Variants in SLC27A2 observed in about 807,000 individuals in gnomAD.
SLC27A2 encodes the protein solute carrier family 27 member 2, also known as long-chain fatty acid transport protein 2.
Under a neutral mutation model 60.0 loss-of-function variants are expected in SLC27A2, and 54 were observed. That is an observed-to-expected ratio of 0.90 (90% confidence interval 0.72 to 1.13). The LOEUF is 1.13. Among genes scored for constraint, SLC27A2 ranks in the 50% most tolerant of loss-of-function variants. SLC27A2 has a pLI of 0.00. For missense variants in SLC27A2, 739 were observed against 777.6 expected, an observed-to-expected ratio of 0.95 and a Z score of 0.59; for synonymous variants, 297 against 297.6, an observed-to-expected ratio of 1.00 and a Z score of 0.02.
chr15:50,195,946 C>T (rs1190252706), intron 1 of SLC27A2, among the ~76,000 whole-genome samples: 1 of 145,218 alleles, frequency 6.9e-6, no homozygotes, highest in Non-Finnish European at 1.5e-5. Context: ...TCCCAGCTAC[C>T]GGGAGGCTGA....
At chr15:50,228,600 G>T (rs2045293462) in intron 7 of SLC27A2, among the ~76,000 whole-genome samples, 1 of 151,994 alleles carries the variant, frequency 6.6e-6, no homozygotes. Flanking sequence ...GTTAGTAAAT[G>T]AGAAATTGAG....
intron 7 of SLC27A2, among the ~76,000 whole-genome samples, chr15:50,227,584 G>T (rs928779462): frequency 6.6e-6 from 1 of 152,150 alleles, no homozygotes; most frequent in Non-Finnish European, 1.5e-5. Flanking sequence ...TGAGGGGTTC[G>T]GAGCCCCTTC....
At chr15:50,225,693 T>C (rs2045273225) in intron 5 of SLC27A2, among the ~76,000 whole-genome samples, 3 of 152,196 alleles carry the variant, frequency 2.0e-5, no homozygotes, top group Non-Finnish European at 4.4e-5. Flanking sequence ...TATAGACATA[T>C]TTAGTGAAAG....
In SLC27A2 at chr15:50,182,881, G is replaced by A. The variant is rs373559973; in HGVS notation, c.454G>A (p.Ala152Thr). 6 of 1,610,318 alleles carry A rather than the reference G, an allele frequency of 3.7e-6. No individual in the cohort carries two copies. The highest frequency in any genetic ancestry group is 3.3e-5 in the Admixed American group (2 of 59,946). Reference protein sequence around the residue: ...SLLHCFQCCGAKVLLVSPELQ... With the variant: ...SLLHCFQCCGTKVLLVSPELQ... ...GCTGCACTGCTTCCAGTGCTGCGGG[G>A]CGAAGGTGCTGCTGGTGTCGCCAGG... The change falls in exon 1 of 10, where the codon GCG becomes ACG. Residue 152 changes from alanine (A) to threonine (T), a missense_variant. Physicochemically the swap from Ala to Thr is moderately conservative, Grantham distance 58 (BLOSUM62 0). Coordinates refer to ENST00000267842, the MANE Select transcript of SLC27A2 (RefSeq NM_003645.4).
chr15:50,233,336 T>G (rs778034902), intron 8 of SLC27A2, among the ~76,000 whole-genome samples: 3 of 152,228 alleles, frequency 2.0e-5, no homozygotes, highest in Non-Finnish European at 4.4e-5. Context: ...CAGTAAGTCA[T>G]GCATGGAGGT....
chr15:50,191,575 T>C (rs1293508116), intron 1 of SLC27A2, among the ~76,000 whole-genome samples: 2 of 152,186 alleles, frequency 1.3e-5, no homozygotes, highest in African/African-American at 2.4e-5. Context: ...TGTCTCCCTC[T>C]ATCCAGTCTG....
chr15:50,198,364 A>C (rs991799210), intron 2 of SLC27A2: 7 of 151,936 alleles, frequency 4.6e-5, no homozygotes, highest in Admixed American at 4.6e-4. Context: ...GGCATTCTTC[A>C]AGGAGCTTTA....
At chr15:50,226,542 G>A (rs558703327) in intron 6 of SLC27A2, among the ~76,000 whole-genome samples, 45 of 151,978 alleles carry the variant, frequency 3.0e-4, no homozygotes, top group Admixed American at 5.3e-4. Flanking sequence ...GACCAGCCTG[G>A]CCAACATGGC....
At chr15:50,185,919 A>G (rs1324888439) in intron 1 of SLC27A2, among the ~76,000 whole-genome samples, 6 of 151,298 alleles carry the variant, frequency 4.0e-5, no homozygotes, top group African/African-American at 1.2e-4. Context: ...GTGAGCCACC[A>G]CGCCTGGCCG....
intron 4 of SLC27A2, among the ~76,000 whole-genome samples, chr15:50,213,776 AC>A (rs2045174761): frequency 6.6e-6 from 1 of 152,170 alleles, no homozygotes; most frequent in Non-Finnish European, 1.5e-5. Context: ...CAATAATGAC[AC>A]AACCCATCAA....
rs373895801 is a variant in SLC27A2, at chr15:50,188,543, C to T, written c.478+5638C>T. ...TCTACACTCTTCCCAACTCTTTGGA[C>T]TGCCCAAGGAGTAACTTAAATGAGT... On this transcript the variant is annotated intron_variant, in intron 1 of 9. Transcript: ENST00000267842. Among the ~76,000 whole-genome samples the T allele has an allele frequency of 3.9e-5, 6 of 152,350 alleles. 2 individuals carry two copies. Among genetic ancestry groups the T allele is most frequent in the Admixed American group, 1.3e-4 (2 of 15,304 alleles).
chr15:50,208,412 A>T (rs1320422601), intron 4 of SLC27A2, among the ~76,000 whole-genome samples: 4 of 152,084 alleles, frequency 2.6e-5, no homozygotes, highest in South Asian at 2.1e-4. Context: ...AGGATAGTTA[A>T]CCTCTCTAAA....
At chr15:50,210,063 A>G (rs1231784963) in intron 4 of SLC27A2, among the ~76,000 whole-genome samples, 1 of 152,178 alleles carries the variant, frequency 6.6e-6, no homozygotes, top group African/African-American at 2.4e-5. Context: ...TGAAGGTGGG[A>G]TGAAGTGTCA....
Position 50,207,646 on chromosome 15 carries a change from G to A in SLC27A2, c.972+2283G>A, listed in dbSNP as rs569205102. ...CTCTACTAAAAATACAAAAATTAGC[G>A]GGGCTTGTTGGCACGTGCCTGTAAT... On this transcript the variant is annotated intron_variant, in intron 4 of 9. Transcript: ENST00000267842. 4.6e-5 allele frequency among the ~76,000 whole-genome samples: 7 copies of A among 151,804 alleles called. No individual in the cohort carries two copies. In the East Asian group the frequency reaches 9.7e-4, roughly 21 times the overall value.
intron 5 of SLC27A2, among the ~76,000 whole-genome samples, chr15:50,224,906 A>G (rs2140912211): frequency 6.6e-6 from 1 of 152,288 alleles, no homozygotes; most frequent in South Asian, 2.1e-4. Flanking sequence ...ACTGCTGCTG[A>G]GGGTCAGCTA....
intron 4 of SLC27A2, among the ~76,000 whole-genome samples, 183 bp downstream of exon 4, chr15:50,205,546 ATAT>A (rs2045105634): frequency 6.6e-6 from 1 of 152,214 alleles, no homozygotes; most frequent in East Asian, 1.9e-4. Context: ...GTGGGAGTTA[ATAT>A]TATTATTATG....
chr15:50,212,552 G>T (rs1198095445), intron 4 of SLC27A2, among the ~76,000 whole-genome samples: 1 of 152,178 alleles, frequency 6.6e-6, no homozygotes, highest in Non-Finnish European at 1.5e-5. Flanking sequence ...GAAACACCTG[G>T]TGACCTACAA....
intron 8 of SLC27A2, among the ~76,000 whole-genome samples, chr15:50,231,299 G>C (rs566601952): frequency 6.6e-6 from 1 of 151,674 alleles, no homozygotes; most frequent in African/African-American, 2.4e-5. Context: ...AGGCATGCAC[G>C]ACCAGGCCCG....
At chr15:50,218,116 A>G (rs2140909375) in intron 4 of SLC27A2, among the ~76,000 whole-genome samples, 1 of 151,822 alleles carries the variant, frequency 6.6e-6, no homozygotes, top group Non-Finnish European at 1.5e-5. Context: ...TGTATCATTA[A>G]TATCCTCAGA....
Sources: allele counts gnomAD v4.1 joint callset (sites outside exome capture counted in the v4.1 genomes callset), GRCh38; gene constraint gnomAD v4.1.1; transcripts MANE v1.5; gene names NCBI Gene and HGNC (gene_info 2026-07-23, HGNC 2026-07-21).